The following TLCD4 variants were observed in gnomAD, a reference collection of about 807,000 sequenced individuals.
TLCD4 encodes TLC domain-containing protein 4.
TLCD4 carries 7 observed loss-of-function variants against 24.2 expected under a neutral mutation model. That is an observed-to-expected ratio of 0.29 (90% CI 0.16 to 0.54). The LOEUF is 0.54. Among genes scored for constraint, TLCD4 ranks in the 20% least tolerant of loss-of-function variants. The pLI is 0.95. For synonymous variants in TLCD4, 103 were observed against 106.4 expected, an observed-to-expected ratio of 0.97 and a Z score of 0.20; for missense variants, 259 against 313.9, an observed-to-expected ratio of 0.82 and a Z score of 1.32.
At chr1:95,145,861 T>G (rs760710933) in intron 2 of TLCD4, among the ~76,000 whole-genome samples, 4 of 152,196 alleles carry the variant, frequency 2.6e-5, no homozygotes, top group Non-Finnish European at 5.9e-5. Flanking sequence ...TTTGGGAAAC[T>G]GAATTTCTAT....
chr1:95,102,398 A>G, the TLCD4 span, among the ~76,000 whole-genome samples: 11 of 152,324 alleles, frequency 7.2e-5, no homozygotes, highest in Non-Finnish European at 1.3e-4. Flanking sequence ...TTTGCTGTGT[A>G]CTTGGATAGA....
intron 6 of TLCD4, among the ~76,000 whole-genome samples, chr1:95,175,081 C>T (rs1006983552): frequency 3.3e-5 from 5 of 152,166 alleles, no homozygotes; most frequent in African/African-American, 1.2e-4. Context: ...TGGCCCATCT[C>T]AACCATTTTT....
At chr1:95,142,123 T>G (rs556262465) in intron 1 of TLCD4, among the ~76,000 whole-genome samples, 1 of 125,692 alleles carries the variant, frequency 8.0e-6, no homozygotes, top group Non-Finnish European at 1.6e-5. Context: ...AGCAAATGCC[T>G]TAGTGCCTTT....
intron 6 of TLCD4, among the ~76,000 whole-genome samples, chr1:95,175,046 GGTTACAGGC>G (rs1303312528): frequency 3.9e-5 from 6 of 152,124 alleles, no homozygotes; most frequent in African/African-American, 1.4e-4. Context: ...GAAGTGCTGG[GGTTACAGGC>G]ATGAGCCACT....
chr1:95,106,626 G>A, the TLCD4 span, among the ~76,000 whole-genome samples: 1 of 152,164 alleles, frequency 6.6e-6, no homozygotes, highest in South Asian at 2.1e-4. Context: ...GTGGGATGTG[G>A]AAGTTGCAGG....
intron 1 of TLCD4, among the ~76,000 whole-genome samples, chr1:95,123,625 A>C (rs1009872890): frequency 3.3e-5 from 5 of 152,194 alleles, no homozygotes; most frequent in African/African-American, 4.8e-5. Context: ...AAACACACCT[A>C]GTTATCAGTT....
intron 6 of TLCD4, among the ~76,000 whole-genome samples, chr1:95,186,647 G>A (rs984211042): frequency 6.6e-6 from 1 of 152,214 alleles, no homozygotes; most frequent in Non-Finnish European, 1.5e-5. Context: ...AGAAATGAAT[G>A]GCTGAAGGAG....
Position 95,144,504 on chromosome 1 carries a change from A to G in TLCD4, c.155+448A>G, listed in dbSNP as rs143515704. ...GGAACAAAGTGTACAGTCAGTGCAT[A>G]TGAATCTTTTAATGAACTTTGCATT... is the stretch of plus-strand genomic sequence containing the variant. On this transcript the variant is annotated intron_variant, in intron 2 of 6. Coordinates refer to ENST00000370203, the MANE Select transcript of TLCD4 (RefSeq NM_152487.3). 3.3e-4 allele frequency among the ~76,000 whole-genome samples: 51 copies of G among 152,282 alleles called. No individual in the cohort carries two copies. In the East Asian group the frequency reaches 9.7e-3, roughly 29 times the overall value.
Position 95,195,859 on chromosome 1 carries a change from T to C in TLCD4, c.*3991T>C, listed in dbSNP as rs1211358275. The C allele has an allele frequency of 6.6e-6, 1 of 152,180 alleles. No homozygotes were observed. Among genetic ancestry groups the C allele is most frequent in the East Asian group, 1.9e-4 (1 of 5,200 alleles). 9.4% of individuals were successfully genotyped at this position (152,180 alleles called of 1,614,324 possible). The stretch of plus-strand genomic sequence containing the variant: ...ATCTAGAAGTATTCTCTTTGAATCC[T>C]TCCATCTCTTCCTCCTGGTACACCA... On this transcript the variant is annotated 3_prime_UTR_variant, in exon 7 of 7. Transcript: ENST00000370203.
At chr1:95,181,809 C>G (rs1400145957) in intron 6 of TLCD4, among the ~76,000 whole-genome samples, 3 of 152,026 alleles carry the variant, frequency 2.0e-5, no homozygotes, top group African/African-American at 7.2e-5. Context: ...TTAGTACAGA[C>G]TGGGTTTCAC....
At chr1:95,167,689 C>G (rs925277246) in intron 5 of TLCD4, among the ~76,000 whole-genome samples, 13 of 152,186 alleles carry the variant, frequency 8.5e-5, no homozygotes, top group African/African-American at 3.1e-4. Context: ...CTTGCTGGCT[C>G]CTTGCTCCTT....
intron 6 of TLCD4, among the ~76,000 whole-genome samples, chr1:95,177,412 A>G (rs1678472220): frequency 6.6e-6 from 1 of 152,122 alleles, no homozygotes; most frequent in Admixed American, 6.5e-5. Flanking sequence ...AAGTTAGAGC[A>G]CTTACCCTGA....
At chr1:95,134,028 A>G (rs1439460688) in intron 1 of TLCD4, among the ~76,000 whole-genome samples, 8 of 151,940 alleles carry the variant, frequency 5.3e-5, no homozygotes, top group African/African-American at 1.9e-4. Context: ...TGGACTGATA[A>G]TGTTGTAATA....
intron 5 of TLCD4, among the ~76,000 whole-genome samples, chr1:95,172,976 A>C (rs1478229467): frequency 6.6e-6 from 1 of 152,184 alleles, no homozygotes; most frequent in East Asian, 1.9e-4. Context: ...TTTTCCTTCC[A>C]ATGTTTACTA....
intron 5 of TLCD4, among the ~76,000 whole-genome samples, chr1:95,171,788 G>A (rs1417193329): frequency 6.6e-6 from 1 of 152,180 alleles, no homozygotes; most frequent in Non-Finnish European, 1.5e-5. Flanking sequence ...CATTGTTACA[G>A]TTTGAATTGT....
rs1347076149 is a variant in TLCD4, at chr1:95,195,903, T to A, written c.*4035T>A. On this transcript the variant is annotated 3_prime_UTR_variant, in exon 7 of 7. Transcript: ENST00000370203. Reference sequence around the variant, plus strand: ...TACACCAGATGACTTCATCAGCATCTCCCTCTTTTATGCTAACACCTTTCG... The same window carrying A: ...TACACCAGATGACTTCATCAGCATCACCCTCTTTTATGCTAACACCTTTCG... 6.6e-6 allele frequency: 1 copy of A among 152,202 alleles called. No individual in the cohort carries two copies. The highest frequency in any genetic ancestry group is 1.5e-5 in the Non-Finnish European group (1 of 68,026). 9.4% of individuals were successfully genotyped at this position (152,202 alleles called of 1,614,324 possible).
chr1:95,176,253 G>A (rs1445993338), intron 6 of TLCD4, among the ~76,000 whole-genome samples: 1 of 150,004 alleles, frequency 6.7e-6, no homozygotes, highest in Non-Finnish European at 1.5e-5. Flanking sequence ...GTACAGTGGC[G>A]TGATCTTGGC....
chr1:95,099,263 A>C, the TLCD4 span, among the ~76,000 whole-genome samples: 1 of 107,720 alleles, frequency 9.3e-6, no homozygotes, highest in African/African-American at 2.7e-5. Flanking sequence ...CCCCCTCTCT[A>C]CTCAGAAATG....
chr1:95,168,624 A>G (rs1053537565), intron 5 of TLCD4, among the ~76,000 whole-genome samples: 2 of 133,752 alleles, frequency 1.5e-5, no homozygotes, highest in African/African-American at 2.8e-5. Flanking sequence ...GCTGGGCTCA[A>G]ATGATCCTCC....
Sources: gnomAD v4.1 joint callset for allele counts (sites outside exome capture counted in the v4.1 genomes callset) on GRCh38, gnomAD v4.1.1 for gene constraint, MANE v1.5 for transcripts, NCBI Gene and HGNC (gene_info 2026-07-23, HGNC 2026-07-21) for gene names.